PACS1: variants seen among roughly 807,000 people sequenced by gnomAD.
PACS1 encodes PACS-1.
A neutral mutation model predicts 115.0 loss-of-function variants in PACS1; 24 were observed. The ratio of observed to expected loss-of-function variants is 0.21; its 90% CI spans 0.15 to 0.29. The LOEUF is 0.29. Ranked by LOEUF, PACS1 falls within the 10% of genes least tolerant of loss-of-function variation. The probability of loss-of-function intolerance (pLI) is 1.00; values close to 1 mark genes in which losing one functional copy is unlikely to be tolerated. For missense variants in PACS1, 838 were observed against 1,251.2 expected, an observed-to-expected ratio of 0.67 and a Z score of 4.98; for synonymous variants, 453 against 504.5, an observed-to-expected ratio of 0.90 and a Z score of 1.37.
intron 1 of PACS1, among the ~76,000 whole-genome samples, chr11:66,179,273 A>G (rs963542598): frequency 2.6e-5 from 4 of 152,212 alleles, no homozygotes; most frequent in Admixed American, 2.0e-4. Context: ...CTCAAGTTTC[A>G]TTCTACCTTG....
At chr11:66,207,121 G>A (rs10750780) in intron 2 of PACS1, among the ~76,000 whole-genome samples, 31,248 of 151,830 alleles carry the variant, frequency 0.21, 3,260 homozygotes, top group Middle Eastern at 0.28. Flanking sequence ...CAAATATGTC[G>A]ATATGTATTT....
intron 1 of PACS1, among the ~76,000 whole-genome samples, chr11:66,168,418 T>C (rs1307523762): frequency 6.6e-6 from 1 of 150,472 alleles, no homozygotes; most frequent in Non-Finnish European, 1.5e-5. Flanking sequence ...GCACATCTTA[T>C]GGAGCGAGAC....
In PACS1 at chr11:66,148,010, A is replaced by C. The variant is rs576744645; in HGVS notation, c.357-45476A>C. On this transcript the variant is annotated intron_variant, in intron 1 of 23. Coordinates refer to ENST00000320580, the MANE Select transcript of PACS1 (RefSeq NM_018026.4). ...TAAAAATAAATTTTTAAAATTTAGA[A>C]ATGAAATATACGGCCATAATAACAA... Among the ~76,000 whole-genome samples, 5 of 152,296 alleles carry C rather than the reference A, an allele frequency of 3.3e-5. No homozygotes were observed. The South Asian group carries it at 8.3e-4, about 25-fold the overall frequency.
intron 1 of PACS1, among the ~76,000 whole-genome samples, chr11:66,137,040 T>A (rs1197629140): frequency 1.4e-5 from 2 of 143,192 alleles, no homozygotes; most frequent in East Asian, 4.7e-4. Context: ...CCCCACCATT[T>A]CGTCATTTGT....
chr11:66,208,293 G>A (rs372796012), intron 2 of PACS1, among the ~76,000 whole-genome samples: 4 of 152,064 alleles, frequency 2.6e-5, no homozygotes, highest in African/African-American at 9.7e-5. Context: ...CTGAAGACAC[G>A]TGAGAGATGA....
chr11:66,190,303 G>T lies in PACS1; in HGVS notation c.357-3183G>T, dbSNP rs1157928068. Among the ~76,000 whole-genome samples, 4 of 152,134 alleles carry T rather than the reference G, an allele frequency of 2.6e-5. No individual in the cohort carries two copies. The East Asian group carries it at 7.7e-4, about 29-fold the overall frequency. On this transcript the variant is annotated intron_variant, in intron 1 of 23. Transcript: ENST00000320580. ...TGAGGACGAACGTTGGGCATATTCA[G>T]TCTTTTCCATTGGCTCATCCCAGTC... is the stretch of plus-strand genomic sequence containing the variant.
intron 1 of PACS1, among the ~76,000 whole-genome samples, chr11:66,159,269 C>A (rs1388942129): frequency 6.6e-6 from 1 of 152,038 alleles, no homozygotes; most frequent in Admixed American, 6.5e-5. Context: ...GAAACCCCAT[C>A]TCTACTAAAA....
chr11:66,074,448 A>T (rs1210186133), intron 1 of PACS1, among the ~76,000 whole-genome samples: 1 of 152,134 alleles, frequency 6.6e-6, no homozygotes, highest in African/African-American at 2.4e-5. Flanking sequence ...CTGCCTTTGT[A>T]TGGTGAGGTT....
At chr11:66,204,544 AG>A (rs1854887805) in intron 2 of PACS1, among the ~76,000 whole-genome samples, 1 of 152,194 alleles carries the variant, frequency 6.6e-6, no homozygotes, top group Non-Finnish European at 1.5e-5. Context: ...AAGATTTGGA[AG>A]CACCTAAGTG....
At chr11:66,242,830 A>T in intron 22 of PACS1, 82 bp from the exon 23 acceptor site, 1 of 1,579,618 alleles carries the variant, frequency 6.3e-7, no homozygotes, top group Non-Finnish European at 8.6e-7. Flanking sequence ...CGCCACAGGA[A>T]GAAGGGGACA....
rs765946209 is a variant in PACS1, at chr11:66,234,211, T to C, written c.2073T>C (p.Asp691=). The C allele has an allele frequency of 6.2e-7, 1 of 1,614,038 alleles. No individual in the cohort carries two copies. ...CCTTCCTGGATTCTGGTTGGAGAGA[T>C]CTGTTCAGTCGCTCGGAGCCACCAG... The part of the protein sequence containing the change: ...SSSFLDSGWR[D]LFSRSEPPVS... The change falls in exon 17 of 24, where the codon GAT becomes GAC. Residue 691 remains aspartate, a synonymous_variant. Coordinates refer to ENST00000320580, the MANE Select transcript of PACS1 (RefSeq NM_018026.4).
chr11:66,130,185 G>A (rs1858669173), intron 1 of PACS1, among the ~76,000 whole-genome samples: 1 of 152,094 alleles, frequency 6.6e-6, no homozygotes, highest in East Asian at 1.9e-4. Context: ...TATAATTTCA[G>A]CAGCATGACA....
At chr11:66,217,684 T>C (rs1855246402) in intron 7 of PACS1, 2 of 450,640 alleles carry the variant, frequency 4.4e-6, no homozygotes, top group Admixed American at 2.4e-5. Context: ...GAGGACTGTT[T>C]CCTTGTCCTC....
chr11:66,098,858 G>A (rs1857845431), intron 1 of PACS1, among the ~76,000 whole-genome samples: 1 of 152,040 alleles, frequency 6.6e-6, no homozygotes, highest in African/African-American at 2.4e-5. Flanking sequence ...TGATTTCTTG[G>A]CAAAAGTATC....
intron 2 of PACS1, among the ~76,000 whole-genome samples, chr11:66,203,541 G>A (rs1467693779): frequency 6.6e-6 from 1 of 152,016 alleles, no homozygotes; most frequent in Non-Finnish European, 1.5e-5. Context: ...ACCCAGAATA[G>A]CCAAAGCCAT....
chr11:66,147,755 C>T (rs982307953), intron 1 of PACS1, among the ~76,000 whole-genome samples: 1 of 151,678 alleles, frequency 6.6e-6, no homozygotes, highest in African/African-American at 2.4e-5. Context: ...TTAATTGGTA[C>T]AAAAAGAAAG....
intron 1 of PACS1, among the ~76,000 whole-genome samples, chr11:66,127,134 G>C (rs1221947642): frequency 6.6e-6 from 1 of 152,162 alleles, no homozygotes; most frequent in Non-Finnish European, 1.5e-5. Context: ...TCCTGACAAG[G>C]AGAACGGGAA....
intron 1 of PACS1, among the ~76,000 whole-genome samples, chr11:66,135,995 C>T (rs909268502): frequency 6.6e-5 from 10 of 152,170 alleles, no homozygotes; most frequent in African/African-American, 1.4e-4. Flanking sequence ...ATTCTGCCCA[C>T]GTGCCTTCCA....
rs1290444340 is a variant in PACS1, at chr11:66,221,183, G to A, written c.1229G>A (p.Ser410Asn). Residue 410 changes from serine (S) to asparagine (N), a missense_variant, in exon 10 of 24, where the codon AGC (serine) becomes AAC (asparagine). Ser to Asn is a conservative substitution (Grantham distance 46). Coordinates refer to ENST00000320580, the MANE Select transcript of PACS1 (RefSeq NM_018026.4). ...TTCTTTGAGGGGATGTCGCAGTCCA[G>A]CTCCCAGACGGAGATTGGCAGCCTC... Reference protein sequence around the residue: ...KPFFEGMSQSSSQTEIGSLNS... With the variant: ...KPFFEGMSQSNSQTEIGSLNS... 1 of 1,614,194 alleles carries A rather than the reference G, an allele frequency of 6.2e-7. No individual in the cohort carries two copies. The highest frequency in any genetic ancestry group is 8.5e-7 in the Non-Finnish European group (1 of 1,180,020).
Sources: allele counts gnomAD v4.1 joint callset (sites outside exome capture counted in the v4.1 genomes callset), GRCh38; gene constraint gnomAD v4.1.1; transcripts MANE v1.5; gene names NCBI Gene and HGNC (gene_info 2026-07-23, HGNC 2026-07-21).